The following MAN2A1 variants were observed in gnomAD, a reference collection of about 807,000 sequenced individuals.
MAN2A1 encodes alpha-mannosidase 2.
A neutral mutation model predicts 142.6 loss-of-function variants in MAN2A1; 76 were observed. The ratio of observed to expected loss-of-function variants is 0.53; its 90% confidence interval spans 0.44 to 0.65. The LOEUF (loss-of-function observed/expected upper bound fraction) is 0.65. Among genes scored for constraint, MAN2A1 ranks in the 30% least tolerant of loss-of-function variants. The pLI, the probability that MAN2A1 is intolerant of heterozygous loss-of-function variation, is 0.00. For missense variants in MAN2A1, 1,311 were observed against 1,365.1 expected (o/e 0.96, Z 0.62); for synonymous variants, 559 against 473.2 (o/e 1.18, Z -2.35).
intron 3 of MAN2A1, among the ~76,000 whole-genome samples, chr5:109,724,672 C>A (rs142952655): frequency 6.6e-6 from 1 of 151,786 alleles, no homozygotes; most frequent in African/African-American, 2.4e-5. Context: ...CTTAAAAAAT[C>A]GTTATTAATA....
At chr5:109,862,068 A>ACAG in intron 20 of MAN2A1, among the ~76,000 whole-genome samples, 1 of 152,352 alleles carries the variant, frequency 6.6e-6, no homozygotes, top group South Asian at 2.1e-4. Context: ...GATATGGCAC[A>ACAG]CAGCAAGTGC....
At chr5:109,847,822 T>C (rs1486829509) in intron 19 of MAN2A1, 32 bp downstream of exon 19, 1 of 1,414,440 alleles carries the variant, frequency 7.1e-7, no homozygotes, top group East Asian at 2.7e-5. Context: ...GATCTGATAT[T>C]GATTGTTCTT....
At chr5:109,831,099 C>T (rs561567935) in intron 16 of MAN2A1, among the ~76,000 whole-genome samples, 1 of 152,228 alleles carries the variant, frequency 6.6e-6, no homozygotes, top group Non-Finnish European at 1.5e-5. Context: ...CAGGCCCATC[C>T]TAGGTCTGCC....
At chr5:109,832,206 T>C (rs1257459262) in intron 16 of MAN2A1, among the ~76,000 whole-genome samples, 2 of 146,618 alleles carry the variant, frequency 1.4e-5, no homozygotes, top group African/African-American at 5.1e-5. Context: ...TGATCATTCT[T>C]GGGTGTTTCT....
In MAN2A1 at chr5:109,855,330, CA is replaced by C; in HGVS notation, c.3170del (p.Lys1057ArgfsTer12). On this transcript the variant is annotated frameshift_variant, in exon 20 of 22. Transcript: ENST00000261483. LOFTEE classifies it high-confidence loss of function. ...CTGGTTAATTTGAGAACAATACAGT[CA>C]AAGGTATGTCTCAAAATATATCTTA... ...IHLVNLRTIQ[S>X]KVGNGHSNEA... The C allele has an allele frequency of 6.4e-7, 1 of 1,560,716 alleles. No individual in the cohort carries two copies.
At chr5:109,827,378 C>T (rs1339332506) in intron 16 of MAN2A1, among the ~76,000 whole-genome samples, 3 of 152,212 alleles carry the variant, frequency 2.0e-5, no homozygotes, top group East Asian at 1.9e-4. Flanking sequence ...AATATTCTTA[C>T]ATTTCTCAGT....
chr5:109,751,419 A>G (rs1166478396), intron 4 of MAN2A1, among the ~76,000 whole-genome samples: 2 of 152,066 alleles, frequency 1.3e-5, no homozygotes, highest in African/African-American at 4.8e-5. Context: ...ACTTAGGTTG[A>G]TTCCGATCTT....
rs1753623606 is a variant in MAN2A1, at chr5:109,787,469, A to C, written c.1761-1465A>C. ...TTAATGAAATGTTGAAACGTTTAGA[A>C]TTTTGTTTTACCCAATGTTTCCCAA... On this transcript the variant is annotated intron_variant, in intron 10 of 21. Coordinates refer to ENST00000261483, the MANE Select transcript of MAN2A1 (RefSeq NM_002372.4). Among the ~76,000 whole-genome samples the C allele has an allele frequency of 3.3e-5, 5 of 152,096 alleles. No homozygotes were observed. In the South Asian group the frequency reaches 1.0e-3, roughly 32 times the overall value.
chr5:109,828,870 C>T (rs1754830127), intron 16 of MAN2A1, among the ~76,000 whole-genome samples: 1 of 152,124 alleles, frequency 6.6e-6, no homozygotes, highest in African/African-American at 2.4e-5. Context: ...GACTGATTTT[C>T]TTGCATATTT....
At chr5:109,783,610 C>A (rs1344954991) in intron 9 of MAN2A1, among the ~76,000 whole-genome samples, 2 of 152,056 alleles carry the variant, frequency 1.3e-5, no homozygotes, top group Non-Finnish European at 2.9e-5. Flanking sequence ...CAAAGTATTT[C>A]TAGTGTCTCC....
chr5:109,806,016 A>C (rs1250625720), intron 12 of MAN2A1, among the ~76,000 whole-genome samples: 1 of 152,200 alleles, frequency 6.6e-6, no homozygotes, highest in East Asian at 1.9e-4. Context: ...GAAGTAGCCT[A>C]ATCCTCACCT....
chr5:109,746,539 A>T (rs192359649), intron 4 of MAN2A1, among the ~76,000 whole-genome samples: 2 of 149,294 alleles, frequency 1.3e-5, no homozygotes, highest in Non-Finnish European at 3.0e-5. Flanking sequence ...CATATATATT[A>T]TACAATGATA....
At chr5:109,852,504 A>G (rs1281647378) in intron 19 of MAN2A1, among the ~76,000 whole-genome samples, 1 of 152,170 alleles carries the variant, frequency 6.6e-6, no homozygotes, top group Admixed American at 6.5e-5. Context: ...GAGCTTAATA[A>G]AGGGCACCAA....
intron 5 of MAN2A1, among the ~76,000 whole-genome samples, chr5:109,766,272 T>C (rs1294119487): frequency 6.6e-6 from 1 of 152,182 alleles, no homozygotes; most frequent in Non-Finnish European, 1.5e-5. Flanking sequence ...AATCTTAGAA[T>C]ACATGAAAGC....
At chr5:109,785,693 G>GACCATTCATTCATTAGGATC (rs959667652) in intron 10 of MAN2A1, among the ~76,000 whole-genome samples, 3 of 152,018 alleles carry the variant, frequency 2.0e-5, no homozygotes, top group African/African-American at 4.8e-5. Context: ...GCCTTTGGAT[G>GACCATTCATTCATTAGGATC]ACCATTCATT....
rs1187022146 is a variant in MAN2A1, at chr5:109,770,522, C to T, written c.1177C>T (p.Pro393Ser). The T allele has an allele frequency of 4.3e-6, 7 of 1,613,666 alleles. No individual in the cohort carries two copies. The highest frequency in any genetic ancestry group is 5.9e-6 in the Non-Finnish European group (7 of 1,179,768). ...GGGAGTCCCCCCAGAAACAATACAT[C>T]CTGGAAATGTCCAAAGCAGGTATGA... is the stretch of plus-strand genomic sequence containing the variant. ...PWGVPPETIH[P>S]GNVQSRARML... The change falls in exon 7 of 22, where the codon CCT (proline) becomes TCT (serine). Residue 393 changes from proline to serine, a missense_variant. This residue lies in a region of MAN2A1 where 890 missense variants were observed against 920.5 expected (regional missense o/e 0.97). Transcript: ENST00000261483.
At chr5:109,695,244 G>T (rs1310959873) in intron 1 of MAN2A1, among the ~76,000 whole-genome samples, 1 of 152,128 alleles carries the variant, frequency 6.6e-6, no homozygotes, top group Non-Finnish European at 1.5e-5. Context: ...ATTGAATTGG[G>T]TGTGTTGTTC....
intron 3 of MAN2A1, 71 bp downstream of exon 3, chr5:109,716,335 C>G (rs1444416362): frequency 7.9e-7 from 1 of 1,272,958 alleles, no homozygotes; most frequent in African/African-American, 1.5e-5. Flanking sequence ...TAATGAGAAT[C>G]TGGTAGAGGC....
In MAN2A1 at chr5:109,779,980, T is replaced by G. The variant is rs144981409; in HGVS notation, c.1375-1416T>G. ...TTATCAGTATCATTGTTGTAAATGT[T>G]CCAGTCGCAATTTTGTCTTTGCAGT... On this transcript the variant is annotated intron_variant, in intron 8 of 21. Coordinates refer to ENST00000261483, the MANE Select transcript of MAN2A1 (RefSeq NM_002372.4). Among the ~76,000 whole-genome samples, 370 of 152,306 alleles carry G rather than the reference T, an allele frequency of 2.4e-3. 2 individuals are homozygous for G. The highest frequency in any genetic ancestry group is 8.7e-3 in the African/African-American group (361 of 41,564).
Sources: gnomAD v4.1 joint callset for allele counts (sites outside exome capture counted in the v4.1 genomes callset) on GRCh38, gnomAD v4.1.1 for gene constraint, gnomAD v4.1.1 regional missense constraint, MANE v1.5 for transcripts, NCBI Gene and HGNC (gene_info 2026-07-23, HGNC 2026-07-21) for gene names.